The following TRPM3 variants were observed in gnomAD, a reference collection of about 807,000 sequenced individuals.
TRPM3 encodes the protein long transient receptor potential channel 3.
A neutral mutation model predicts 181.2 loss-of-function variants in TRPM3; 77 were observed. That is an observed-to-expected ratio of 0.42 (90% CI 0.35 to 0.51). TRPM3 has a LOEUF of 0.51. Ranked by LOEUF, TRPM3 falls within the 20% of genes least tolerant of loss-of-function variation. TRPM3 has a pLI of 0.01. For synonymous variants in TRPM3, 745 were observed against 796.4 expected (o/e 0.94, Z 1.09); for missense variants, 1,759 against 2,196.7 (o/e 0.80, Z 3.98).
intron 1 of TRPM3, among the ~76,000 whole-genome samples, chr9:70,963,997 C>T (rs547568117): frequency 3.2e-4 from 49 of 152,190 alleles, no homozygotes; most frequent in African/African-American, 1.1e-3. Flanking sequence ...AGGGAGGTTT[C>T]TAACCTCAGT....
upstream of TRPM3, among the ~76,000 whole-genome samples, chr9:71,121,845 T>G (rs1227372726): frequency 6.6e-6 from 1 of 152,074 alleles, no homozygotes; most frequent in African/African-American, 2.4e-5. Context: ...AGAGAAGGGG[T>G]GCCTCCGAAT....
intron 1 of TRPM3, among the ~76,000 whole-genome samples, chr9:70,921,738 C>G (rs1458122275): frequency 1.3e-5 from 2 of 152,110 alleles, no homozygotes; most frequent in Admixed American, 6.6e-5. Flanking sequence ...CTGTTGTTCA[C>G]TTTGATGAAG....
intron 1 of TRPM3, among the ~76,000 whole-genome samples, chr9:71,417,020 C>T (rs1228352610): frequency 6.6e-6 from 1 of 151,834 alleles, no homozygotes; most frequent in Non-Finnish European, 1.5e-5. Flanking sequence ...TTTTTTATTG[C>T]TGAATATTTC....
chr9:70,984,726 T>C (rs2134058528), intron 1 of TRPM3, among the ~76,000 whole-genome samples: 1 of 152,342 alleles, frequency 6.6e-6, no homozygotes, highest in South Asian at 2.1e-4. Context: ...ACAGATTCTC[T>C]CCTGGAGCCT....
chr9:71,228,063 A>G (rs2080806755), intron 1 of TRPM3, among the ~76,000 whole-genome samples: 1 of 152,228 alleles, frequency 6.6e-6, no homozygotes, highest in Non-Finnish European at 1.5e-5. Context: ...TCTTTGATGA[A>G]CACTGATGCA....
chr9:71,312,019 T>C (rs544378336), intron 1 of TRPM3, among the ~76,000 whole-genome samples: 5 of 152,248 alleles, frequency 3.3e-5, no homozygotes, highest in African/African-American at 1.2e-4. Flanking sequence ...TGGTGACCTT[T>C]TAGATTTAAC....
In TRPM3 at chr9:71,089,573, G is replaced by GA. The variant is rs58316281; in HGVS notation, c.177+31604dup. 7.2e-3 allele frequency among the ~76,000 whole-genome samples: 1,046 copies of GA among 144,962 alleles called. 7 individuals carry two copies. Among genetic ancestry groups the GA allele is most frequent in the African/African-American group, 7.4e-3 (296 of 39,736 alleles). On this transcript the variant is annotated intron_variant, in intron 1 of 25. Transcript: ENST00000677713. ...TAAAATAATATTTGGACAATGATGT[G>GA]AAAAAAAAAACACCAAAGAATCATA...
chr9:71,144,531 C>T (rs966599236), intron 1 of TRPM3, among the ~76,000 whole-genome samples: 2 of 152,116 alleles, frequency 1.3e-5, no homozygotes, highest in African/African-American at 4.8e-5. Context: ...TTAGGGGAAG[C>T]TAAGGTTTTA....
chr9:70,566,382 T>C (rs887121556), intron 22 of TRPM3, among the ~76,000 whole-genome samples: 2 of 151,990 alleles, frequency 1.3e-5, no homozygotes, highest in Middle Eastern at 3.2e-3. Context: ...AGAAGGTCCC[T>C]GGTCTGGAGT....
intron 1 of TRPM3, among the ~76,000 whole-genome samples, chr9:71,397,154 G>A (rs1792613624): frequency 6.6e-6 from 1 of 151,876 alleles, no homozygotes; most frequent in African/African-American, 2.4e-5. Flanking sequence ...TAAAACCATG[G>A]TTTTCCAATA....
chr9:71,342,304 C>T (rs1276193106), intron 1 of TRPM3, among the ~76,000 whole-genome samples: 1 of 148,502 alleles, frequency 6.7e-6, no homozygotes, highest in African/African-American at 2.5e-5. Flanking sequence ...TTTTATTCAG[C>T]AATTCTACCT....
chr9:71,023,871 GC>G (rs1257259629), intron 1 of TRPM3, among the ~76,000 whole-genome samples: 2 of 152,066 alleles, frequency 1.3e-5, no homozygotes, highest in Non-Finnish European at 2.9e-5. Context: ...GTTATAAAAA[GC>G]GTGACCCAAA....
intron 1 of TRPM3, among the ~76,000 whole-genome samples, chr9:70,979,647 TTC>T (rs1197575020): frequency 4.6e-5 from 7 of 152,214 alleles, no homozygotes; most frequent in Non-Finnish European, 1.0e-4. Flanking sequence ...ACCAACACTC[TTC>T]ACAACTGCAG....
intron 1 of TRPM3, among the ~76,000 whole-genome samples, chr9:71,425,667 G>A (rs1240579497): frequency 1.3e-5 from 2 of 151,850 alleles, no homozygotes; most frequent in African/African-American, 4.8e-5. Context: ...CCCTCACAAC[G>A]CATTTGCAGA....
At chr9:71,217,875 T>C (rs1454149569) in intron 1 of TRPM3, among the ~76,000 whole-genome samples, 1 of 152,074 alleles carries the variant, frequency 6.6e-6, no homozygotes, top group Non-Finnish European at 1.5e-5. Flanking sequence ...CTGGAAGAAT[T>C]AGAGATCCTC....
rs1215810679 is a variant in TRPM3 at position 71,227,548 on chromosome 9, C to T, written c.183+219105G>A. Among the ~76,000 whole-genome samples, 3 of 151,800 alleles carry T rather than the reference C, an allele frequency of 2.0e-5. No homozygotes were observed. The East Asian group carries it at 5.8e-4, about 29-fold the overall frequency. On this transcript the variant is annotated intron_variant, in intron 1 of 24. Coordinates refer to the TRPM3 transcript ENST00000357533. ...AATAAAAAGAGCGATGGAACAAAAACTGGATTTTTTGAAAAGATAAACAAA... is the reference window on the plus strand; with the variant it reads ...AATAAAAAGAGCGATGGAACAAAAATTGGATTTTTTGAAAAGATAAACAAA...
chr9:70,830,138 G>A (rs2093801742), intron 5 of TRPM3, among the ~76,000 whole-genome samples: 1 of 152,166 alleles, frequency 6.6e-6, no homozygotes, highest in African/African-American at 2.4e-5. Context: ...TAAACTGTGT[G>A]TAATAGTGAA....
chr9:70,792,661 CAGAGAGAG>C (rs9314786), intron 6 of TRPM3, among the ~76,000 whole-genome samples: 7 of 147,166 alleles, frequency 4.8e-5, no homozygotes, highest in South Asian at 2.2e-4. Flanking sequence ...GACAGAAAGA[CAGAGAGAG>C]AGAGAGAGAG....
At chr9:71,092,911 G>A (rs940906233) in intron 1 of TRPM3, among the ~76,000 whole-genome samples, 3 of 152,060 alleles carry the variant, frequency 2.0e-5, no homozygotes, top group Non-Finnish European at 4.4e-5. Context: ...TAGACCAATG[G>A]AATAGAACAG....
Sources: allele counts gnomAD v4.1 joint callset (sites outside exome capture counted in the v4.1 genomes callset), GRCh38; gene constraint gnomAD v4.1.1; transcripts MANE v1.5; gene names NCBI Gene and HGNC (gene_info 2026-07-23, HGNC 2026-07-21).